JADE2: variants seen among roughly 807,000 people sequenced by gnomAD.
JADE2 encodes E3 ubiquitin-protein ligase Jade-2.
A neutral mutation model predicts 85.7 loss-of-function variants in JADE2; 13 were observed. The observed-to-expected ratio is 0.15, with a 90% CI of 0.10 to 0.24. The LOEUF is 0.24. Ranked by LOEUF, JADE2 falls within the 10% of genes least tolerant of loss-of-function variation. The probability of loss-of-function intolerance (pLI) is 1.00; values close to 1 mark genes in which losing one functional copy is unlikely to be tolerated. For synonymous variants in JADE2, 440 were observed against 456.1 expected, an observed-to-expected ratio of 0.96 and a Z score of 0.45; for missense variants, 846 against 1,115.9, an observed-to-expected ratio of 0.76 and a Z score of 3.45.
chr5:134,554,755 C>T (rs1488424690), intron 4 of JADE2, among the ~76,000 whole-genome samples: 1 of 152,160 alleles, frequency 6.6e-6, no homozygotes, highest in Non-Finnish European at 1.5e-5. Context: ...TGCTATCTCC[C>T]TCCGGCCCAG....
At position 134,562,298 on chromosome 5, in the gene JADE2, A is replaced by G. The variant is rs959580111; in HGVS notation, c.783A>G (p.Gly261=). Residue 261 remains glycine, a synonymous_variant, in exon 7 of 12, where the codon GGA becomes GGG. Transcript: ENST00000681547. This position sits in a 1 kb window ranked among gnomAD's most constrained non-coding sequence, Gnocchi z 4.6. ...AGTGCCTGCTCTGCCCCAAGCGAGG[A>G]GGAGCCTTGAAGCCCACTAGAAGTG... ...QPKCLLCPKR[G]GALKPTRSGT... is the part of the protein sequence containing the mutation. 4 of 1,613,974 alleles carry G rather than the reference A, an allele frequency of 2.5e-6. No homozygotes were observed. Among genetic ancestry groups the G allele is most frequent in the African/African-American group, 2.7e-5 (2 of 74,892 alleles).
chr5:134,567,589 T>C (rs1308613787), intron 9 of JADE2, among the ~76,000 whole-genome samples: 3 of 152,142 alleles, frequency 2.0e-5, no homozygotes, highest in Non-Finnish European at 4.4e-5. Flanking sequence ...GAAATAGCCC[T>C]GGGCAGGAGC....
intron 1 of JADE2, chr5:134,526,664 C>T (rs1760844291): frequency 2.0e-6 from 2 of 985,382 alleles, no homozygotes; most frequent in South Asian, 9.4e-5. Flanking sequence ...TGCACGCGGG[C>T]GCTGCACGCG....
intron 4 of JADE2, among the ~76,000 whole-genome samples, chr5:134,553,907 G>A (rs543355052): frequency 1.3e-5 from 2 of 152,322 alleles, no homozygotes; most frequent in South Asian, 4.1e-4. Flanking sequence ...ACGGAGTTCA[G>A]CCAAGTGCTT....
chr5:134,527,316 C>T (rs968986539), intron 1 of JADE2, among the ~76,000 whole-genome samples: 12 of 152,282 alleles, frequency 7.9e-5, no homozygotes, highest in African/African-American at 2.9e-4. Context: ...TTTCTTCCCG[C>T]CCATCCCTGG....
In JADE2 at chr5:134,562,352, C is replaced by T. The variant is rs370554814; in HGVS notation, c.837C>T (p.Ala279=). The change falls in exon 7 of 12, where the codon GCC becomes GCT. Residue 279 remains alanine (A), a synonymous_variant. Coordinates refer to ENST00000681547, the MANE Select transcript of JADE2 (RefSeq NM_001388185.1). The surrounding 1 kb of genome is among the most constrained non-coding windows in gnomAD (Gnocchi z 4.6). ...CCAAGTGGGTGCATGTCAGCTGTGC[C>T]CTATGGATTCCTGAGGTGGGTGAGC... ...SGTKWVHVSC[A]LWIPEVSIGC... The T allele has an allele frequency of 6.2e-7, 1 of 1,612,336 alleles. No individual in the cohort carries two copies. The highest frequency in any genetic ancestry group is 8.5e-7 in the Non-Finnish European group (1 of 1,178,810).
intron 5 of JADE2, 76 bp from the exon 6 acceptor site, chr5:134,560,670 C>G: frequency 7.6e-7 from 1 of 1,311,870 alleles, no homozygotes; most frequent in Non-Finnish European, 1.1e-6. Context: ...CCTGCAACTC[C>G]AGGAGCCAAG....
intron 3 of JADE2, among the ~76,000 whole-genome samples, chr5:134,549,611 T>G (rs747300596): frequency 3.3e-5 from 5 of 151,758 alleles, no homozygotes; most frequent in Non-Finnish European, 7.4e-5. Flanking sequence ...GAACCGAGAT[T>G]GTGCACCTGC....
chr5:134,554,630 A>T (rs1030640653), intron 4 of JADE2, among the ~76,000 whole-genome samples: 1 of 152,126 alleles, frequency 6.6e-6, no homozygotes, highest in Non-Finnish European at 1.5e-5. Flanking sequence ...CAGCATAGGC[A>T]TGGCTGTGCT....
chr5:134,552,583 C>T (rs758145541), intron 4 of JADE2, among the ~76,000 whole-genome samples: 1 of 152,182 alleles, frequency 6.6e-6, no homozygotes, highest in Non-Finnish European at 1.5e-5. Context: ...AATGAAATGA[C>T]GCATGGAAGG....
At chr5:134,529,253 C>CT (rs1561720514) in intron 1 of JADE2, among the ~76,000 whole-genome samples, 107 of 152,296 alleles carry the variant, frequency 7.0e-4, no homozygotes, top group African/African-American at 2.4e-3. Context: ...GAGCAGGATA[C>CT]CCCTGGCTTG....
upstream of JADE2, among the ~76,000 whole-genome samples, chr5:134,525,010 G>A (rs1760714910): frequency 6.6e-6 from 1 of 152,238 alleles, no homozygotes; most frequent in African/African-American, 2.4e-5. Context: ...GGAGCCCCGG[G>A]GGGCGGGGTG....
In JADE2 at chr5:134,579,254, G is replaced by A; in HGVS notation, c.2442G>A (p.Val814=). 2 of 1,613,852 alleles carry A rather than the reference G, an allele frequency of 1.2e-6. No homozygotes were observed. Among genetic ancestry groups the A allele is most frequent in the Non-Finnish European group, 1.7e-6 (2 of 1,180,004 alleles). The change falls in exon 12 of 12, where the codon GTG becomes GTA. Residue 814 remains valine, a synonymous_variant. Coordinates refer to ENST00000681547, the MANE Select transcript of JADE2 (RefSeq NM_001388185.1). This position sits in a 1 kb window ranked among gnomAD's most constrained non-coding sequence, Gnocchi z 4.6. ...ATGTAGAGGCCGAGGACGGTGGGGT[G>A]CAGCGGGGTCCCCGGGAGGCAGGGG... ...DSDVEAEDGG[V]QRGPREAGAE...
chr5:134,560,767 T>C lies in JADE2; in HGVS notation c.494T>C (p.Leu165Pro). Reference protein sequence around the residue: ...KEMERPELDELTLERVLEELE... With the variant: ...KEMERPELDEPTLERVLEELE... ...ACAGAGAGGCCGGAGCTGGACGAGCTGACATTAGAGCGTGTGCTGGAGGAG... is the reference window on the plus strand; with the variant it reads ...ACAGAGAGGCCGGAGCTGGACGAGCCGACATTAGAGCGTGTGCTGGAGGAG... Residue 165 changes from leucine to proline, a missense_variant, in exon 6 of 12, where the codon CTG becomes CCG. Around this residue, in one of 9 missense-constraint regions of JADE2, gnomAD observed 129 missense variants for 255.4 expected, o/e 0.51. Coordinates refer to ENST00000681547, the MANE Select transcript of JADE2 (RefSeq NM_001388185.1). 1 of 1,613,890 alleles carries C rather than the reference T, an allele frequency of 6.2e-7. No individual in the cohort carries two copies. The highest frequency in any genetic ancestry group is 1.7e-4 in the Middle Eastern group (1 of 6,056).
rs1441002973 is a variant in JADE2, at chr5:134,582,987, A to T, written c.*3670A>T. The T allele has an allele frequency of 6.6e-6, 1 of 152,634 alleles. No individual in the cohort carries two copies. The highest frequency in any genetic ancestry group is 1.5e-5 in the Non-Finnish European group (1 of 68,036). The allele number at this position is 152,634 out of a possible 1,614,324, so 9.5% of individuals were successfully genotyped here. A position where few individuals can be genotyped will look rare whatever the true frequency, so the allele number is the denominator to read the frequency against. ...GCAAAGACCTATTTCTCCTTTTTGT[A>T]CATTGTCCATGTGCGCAACCCTTAA... On this transcript the variant is annotated 3_prime_UTR_variant, in exon 12 of 12. Transcript: ENST00000681547.
chr5:134,553,044 A>T (rs1466028431), intron 4 of JADE2, among the ~76,000 whole-genome samples: 1 of 116,964 alleles, frequency 8.5e-6, no homozygotes, highest in Non-Finnish European at 1.6e-5. Context: ...CCCAGGCTGG[A>T]GTGCAGTGGT....
At position 134,578,740 on chromosome 5, in the gene JADE2, G is replaced by C. The variant is rs763562557; in HGVS notation, c.1928G>C (p.Arg643Pro). ...GCTAGGAAGGCCCGAGGCCGCACCC[G>C]CCTGCCTGCCAAGAAGAAACCACCA... ...DPARKARGRT[R>P]LPAKKKPPPP... The change falls in exon 12 of 12, where the codon CGC (arginine) becomes CCC (proline). Residue 643 changes from arginine (R) to proline (P), a missense_variant. Transcript: ENST00000681547. This position sits in a 1 kb window ranked among gnomAD's most constrained non-coding sequence, Gnocchi z 4.4. The C allele has an allele frequency of 1.2e-6, 2 of 1,613,338 alleles. No individual in the cohort carries two copies. The highest frequency in any genetic ancestry group is 1.3e-5 in the African/African-American group (1 of 74,896).
intron 10 of JADE2, chr5:134,575,251 C>T (rs3822828): frequency 0.12 from 18,726 of 152,386 alleles, 1,548 homozygotes; most frequent in South Asian, 0.4. Flanking sequence ...AGAGGCTTGA[C>T]GCCTGGGGTG....
intron 3 of JADE2, among the ~76,000 whole-genome samples, chr5:134,551,783 C>G (rs775551116): frequency 4.6e-5 from 7 of 152,142 alleles, no homozygotes; most frequent in Non-Finnish European, 8.8e-5. Flanking sequence ...TAGGTCCACT[C>G]CCAACTATCC....
Sources: gnomAD v4.1 joint callset for allele counts (sites outside exome capture counted in the v4.1 genomes callset) on GRCh38, gnomAD v4.1.1 for gene constraint, gnomAD v4.1.1 regional missense constraint, Gnocchi (gnomAD v3.1) non-coding constraint, MANE v1.5 for transcripts, NCBI Gene and HGNC (gene_info 2026-07-23, HGNC 2026-07-21) for gene names.